COPB1: variants seen among roughly 807,000 people sequenced by gnomAD.
COPB1 encodes coat protein complex I subunit beta 1.
Under a neutral mutation model 108.7 loss-of-function variants are expected in COPB1, and 21 were observed. That is an observed-to-expected ratio of 0.19 (90% CI 0.14 to 0.28). COPB1 has a LOEUF of 0.28. COPB1 is among the 10% of genes least tolerant of loss of function. COPB1 has a pLI of 1.00. For synonymous variants in COPB1, 378 were observed against 386.8 expected, an observed-to-expected ratio of 0.98 and a Z score of 0.27; for missense variants, 919 against 1,141.3, an observed-to-expected ratio of 0.81 and a Z score of 2.81.
At chr11:14,487,629 C>T (rs765450315) in intron 6 of COPB1, among the ~76,000 whole-genome samples, 14 of 151,572 alleles carry the variant, frequency 9.2e-5, no homozygotes, top group African/African-American at 2.2e-4. Context: ...GAGCCGCGAT[C>T]GCACCACTGC....
intron 14 of COPB1, among the ~76,000 whole-genome samples, chr11:14,473,293 T>C (rs762117510): frequency 6.6e-6 from 1 of 152,180 alleles, no homozygotes; most frequent in Non-Finnish European, 1.5e-5. Context: ...CATTCATGTG[T>C]TTACTGGAGT....
intron 13 of COPB1, 71 bp downstream of exon 13, chr11:14,475,714 T>C (rs939619671): frequency 7.5e-7 from 1 of 1,338,828 alleles, no homozygotes; most frequent in Non-Finnish European, 9.8e-7. Context: ...AAAGAAATCA[T>C]TTGACTGTCT....
At chr11:14,477,269 A>G (rs1247269675) in intron 11 of COPB1, among the ~76,000 whole-genome samples, 2 of 151,604 alleles carry the variant, frequency 1.3e-5, no homozygotes, top group Non-Finnish European at 2.9e-5. Context: ...CTGTAGTCCC[A>G]GCTACCCGGG....
At chr11:14,484,407 C>G (rs1391509474) in intron 7 of COPB1, among the ~76,000 whole-genome samples, 2 of 152,112 alleles carry the variant, frequency 1.3e-5, no homozygotes, top group Admixed American at 6.5e-5. Flanking sequence ...ATGAGAAAGG[C>G]TGGGTGAAGA....
intron 6 of COPB1, 41 bp downstream of exon 6, chr11:14,488,451 C>A: frequency 7.7e-7 from 1 of 1,294,382 alleles, no homozygotes; most frequent in South Asian, 1.4e-5. Flanking sequence ...CTGTCTTAAA[C>A]TGCTGAGTTT....
intron 14 of COPB1, among the ~76,000 whole-genome samples, chr11:14,473,225 G>C (rs966876725): frequency 2.6e-5 from 4 of 152,042 alleles, no homozygotes; most frequent in Non-Finnish European, 5.9e-5. Flanking sequence ...CGCCTGTCTC[G>C]GGCCTCCCAA....
chr11:14,458,842 T>G (rs1421272607), intron 20 of COPB1, among the ~76,000 whole-genome samples, 155 bp from the exon 21 acceptor site: 1 of 151,166 alleles, frequency 6.6e-6, no homozygotes, highest in Admixed American at 6.6e-5. Context: ...TGATCTCGGC[T>G]CACTGCAACC....
intron 2 of COPB1, among the ~76,000 whole-genome samples, chr11:14,495,491 A>T (rs1850998790): frequency 6.6e-6 from 1 of 152,208 alleles, no homozygotes; most frequent in South Asian, 2.1e-4. Flanking sequence ...GCGGTGGTTC[A>T]TCTGGCCCAC....
chr11:14,464,530 A>G (rs546737421), intron 18 of COPB1, among the ~76,000 whole-genome samples: 4 of 152,334 alleles, frequency 2.6e-5, no homozygotes, highest in African/African-American at 9.6e-5. Context: ...TGCACCTAGC[A>G]ACAAATGACT....
intron 16 of COPB1, among the ~76,000 whole-genome samples, chr11:14,468,029 A>G (rs566278510): frequency 6.6e-6 from 1 of 152,340 alleles, no homozygotes; most frequent in South Asian, 2.1e-4. Context: ...ATGGGTTAAA[A>G]TGGCAAATCT....
At chr11:14,478,145 GTTC>G (rs1201734099) in intron 11 of COPB1, among the ~76,000 whole-genome samples, 2 of 152,100 alleles carry the variant, frequency 1.3e-5, no homozygotes, top group African/African-American at 4.8e-5. Context: ...TAAAATAACT[GTTC>G]TTATTATTAG....
At chr11:14,460,793 C>T (rs966765929) in intron 19 of COPB1, among the ~76,000 whole-genome samples, 2 of 152,096 alleles carry the variant, frequency 1.3e-5, no homozygotes, top group Non-Finnish European at 2.9e-5. Context: ...CACGAGCTAC[C>T]GTGCCCAGCC....
At position 14,460,216 on chromosome 11, in the gene COPB1, G is replaced by C; in HGVS notation, c.2638C>G (p.Pro880Ala). The stretch of plus-strand genomic sequence containing the variant: ...TCCTAGTCAAATTTTACCTTTTCTG[G>C]AGTCAGGCATTTCATATTGGTTGAC... ...LKSTNMKCLT[P>A]EKALSGYCGF... Residue 880 changes from proline to alanine, a missense_variant, in exon 20 of 22, where the codon CCA becomes GCA. Physicochemically the swap from Pro to Ala is conservative, Grantham distance 27. Transcript: ENST00000439561. 6.2e-7 allele frequency: 1 copy of C among 1,602,790 alleles called. No homozygotes were observed. Among genetic ancestry groups the C allele is most frequent in the Non-Finnish European group, 8.5e-7 (1 of 1,170,932 alleles).
intron 2 of COPB1, among the ~76,000 whole-genome samples, chr11:14,497,912 G>A (rs11828921): frequency 0.017 from 2,658 of 152,246 alleles, 77 homozygotes; most frequent in African/African-American, 0.061. Context: ...GGAACTGGAG[G>A]TCATTATGTT....
intron 20 of COPB1, among the ~76,000 whole-genome samples, chr11:14,459,700 C>T (rs1241506049): frequency 6.6e-6 from 1 of 151,812 alleles, no homozygotes; most frequent in East Asian, 1.9e-4. Flanking sequence ...ACTGCAACCT[C>T]CACCCCCTGG....
chr11:14,494,114 CAA>C, intron 3 of COPB1, 94 bp downstream of exon 3: 1 of 847,666 alleles, frequency 1.2e-6, no homozygotes, highest in Non-Finnish European at 1.8e-6. Context: ...TACATCTTAT[CAA>C]AGACTCAATT....
chr11:14,494,781 A>G (rs1589970109), intron 2 of COPB1: 2 of 177,412 alleles, frequency 1.1e-5, no homozygotes, highest in East Asian at 3.0e-4. Context: ...ATTTTTCAAA[A>G]TGTAAATACA....
At chr11:14,491,177 T>C (rs1234413093) in intron 4 of COPB1, among the ~76,000 whole-genome samples, 1 of 152,078 alleles carries the variant, frequency 6.6e-6, no homozygotes, top group Non-Finnish European at 1.5e-5. Context: ...CCTGAGTATC[T>C]GGGACTACAG....
chr11:14,469,540 C>T lies in COPB1; in HGVS notation c.1761G>A (p.Leu587=). 1 of 1,614,100 alleles carries T rather than the reference C, an allele frequency of 6.2e-7. No individual in the cohort carries two copies. Among genetic ancestry groups the T allele is most frequent in the Admixed American group, 1.7e-5 (1 of 60,022 alleles). ...KQNSFVAEAM[L]LMATILHLGK... is the part of the protein sequence containing the mutation. ...CCAAATGCAGGATAGTAGCCATGAGCAACATAGCCTCAGCAACAAAAGACT... is the reference window on the plus strand; with the variant it reads ...CCAAATGCAGGATAGTAGCCATGAGTAACATAGCCTCAGCAACAAAAGACT... The change falls in exon 15 of 22, where the codon TTG becomes TTA. Residue 587 remains leucine, a synonymous_variant. Coordinates refer to ENST00000439561, the MANE Select transcript of COPB1 (RefSeq NM_001144061.2).
Sources: allele counts gnomAD v4.1 joint callset (sites outside exome capture counted in the v4.1 genomes callset), GRCh38; gene constraint gnomAD v4.1.1; transcripts MANE v1.5; gene names NCBI Gene and HGNC (gene_info 2026-07-23, HGNC 2026-07-21).